Variants in ERC1 observed in about 807,000 individuals in gnomAD.
The protein encoded by ERC1 is ELKS/RAB6-interacting/CAST family member 1.
Under a neutral mutation model 132.0 loss-of-function variants are expected in ERC1, and 56 were observed. The ratio of observed to expected loss-of-function variants is 0.42; its 90% CI spans 0.34 to 0.53. ERC1 has a LOEUF of 0.53. ERC1 is among the 20% of genes least tolerant of loss of function. The pLI is 0.03. For synonymous variants in ERC1, 478 were observed against 476.1 expected, an observed-to-expected ratio of 1.00 and a Z score of -0.05; for missense variants, 1,202 against 1,349.9, an observed-to-expected ratio of 0.89 and a Z score of 1.72.
intron 8 of ERC1, among the ~76,000 whole-genome samples, chr12:1,145,215 C>T (rs1455450044): frequency 6.6e-6 from 1 of 152,068 alleles, no homozygotes; most frequent in South Asian, 2.1e-4. Context: ...CGGGGTTTCA[C>T]CATGTTGGCC....
At chr12:1,003,446 C>T (rs967119619) in intron 1 of ERC1, among the ~76,000 whole-genome samples, 1 of 152,138 alleles carries the variant, frequency 6.6e-6, no homozygotes, top group Non-Finnish European at 1.5e-5. Flanking sequence ...GCTAATCAAG[C>T]CTTATAATAA....
At chr12:1,301,029 G>GT (rs59250743) in intron 15 of ERC1, among the ~76,000 whole-genome samples, 54,922 of 151,848 alleles carry the variant, frequency 0.36, 10,263 homozygotes, top group Middle Eastern at 0.45. Context: ...ACGAAATAAT[G>GT]TTTTTTGCAG....
At chr12:1,253,384 G>C (rs1334671988) in intron 13 of ERC1, among the ~76,000 whole-genome samples, 1 of 152,120 alleles carries the variant, frequency 6.6e-6, no homozygotes, top group African/African-American at 2.4e-5. Flanking sequence ...TGATTGGAAA[G>C]AAAGGCAGCT....
intron 16 of ERC1, among the ~76,000 whole-genome samples, chr12:1,394,093 A>G (rs2090283158): frequency 1.3e-5 from 2 of 148,806 alleles, no homozygotes; most frequent in South Asian, 2.2e-4. Context: ...TAAGGAAGTG[A>G]TCATACTTTA....
At chr12:1,275,258 C>G (rs924887457) in intron 14 of ERC1, among the ~76,000 whole-genome samples, 3 of 152,080 alleles carry the variant, frequency 2.0e-5, no homozygotes, top group African/African-American at 7.2e-5. Context: ...GAGGCTGAGG[C>G]AGGTCGATCA....
intron 14 of ERC1, among the ~76,000 whole-genome samples, chr12:1,277,408 G>A (rs1212750489): frequency 6.6e-6 from 1 of 152,158 alleles, no homozygotes; most frequent in East Asian, 1.9e-4. Context: ...GGTTTTTCAA[G>A]ATTTGCCTCA....
chr12:1,418,633 TTCTTTCTTTCTCTC>T (rs1376439155), intron 17 of ERC1, among the ~76,000 whole-genome samples: 54 of 85,104 alleles, frequency 6.3e-4, no homozygotes, highest in Admixed American at 2.6e-3. Context: ...CTTTCTTTCT[TTCTTTCTTTCTCTC>T]TCTCTCTCTC....
intron 12 of ERC1, among the ~76,000 whole-genome samples, chr12:1,203,201 G>C (rs1957071246): frequency 6.6e-6 from 1 of 152,182 alleles, no homozygotes; most frequent in Non-Finnish European, 1.5e-5. Flanking sequence ...GGGACTACAG[G>C]CGTGTGCCAC....
At position 1,403,848 on chromosome 12, in the gene ERC1, T is replaced by C. The variant is rs527377319; in HGVS notation, c.2926-4301T>C. Among the ~76,000 whole-genome samples the C allele has an allele frequency of 2.0e-5, 3 of 152,352 alleles. No homozygotes were observed. In the East Asian group the frequency reaches 5.8e-4, roughly 29 times the overall value. The stretch of plus-strand genomic sequence containing the variant: ...AAGAAAATAACTAGCCAAGTCTACT[T>C]TCACCCACATTCCTGTTAAAGTCAA... On this transcript the variant is annotated intron_variant, in intron 16 of 18. Transcript: ENST00000360905.
chr12:1,426,641 C>T (rs1290653902), intron 17 of ERC1, among the ~76,000 whole-genome samples: 2 of 152,122 alleles, frequency 1.3e-5, no homozygotes, highest in Non-Finnish European at 2.9e-5. Flanking sequence ...CTATATTGTA[C>T]GTTTTGTGGA....
intron 7 of ERC1, among the ~76,000 whole-genome samples, chr12:1,140,039 G>A (rs1044882018): frequency 2.6e-5 from 4 of 152,118 alleles, no homozygotes; most frequent in South Asian, 2.1e-4. Context: ...GGTGAATAAT[G>A]ACAAATGGGA....
At chr12:997,126 C>T (rs1216958847) in intron 1 of ERC1, among the ~76,000 whole-genome samples, 1 of 152,172 alleles carries the variant, frequency 6.6e-6, no homozygotes, top group African/African-American at 2.4e-5. Context: ...CATTATGTTG[C>T]CCAGGCACTA....
rs532176580 is a variant in ERC1 at position 1,259,927 on chromosome 12, A to T, written c.2488-3107A>T. The stretch of plus-strand genomic sequence containing the variant: ...ATCCCTTACTAATTGCCCTTGGATA[A>T]TCCATACATCTGCTGTTTTTCTTGG... On this transcript the variant is annotated intron_variant, in intron 13 of 18. Transcript: ENST00000360905. Among the ~76,000 whole-genome samples, 91 of 152,266 alleles carry T rather than the reference A, an allele frequency of 6.0e-4. 1 individual carries two copies. The highest frequency in any genetic ancestry group is 2.1e-3 in the African/African-American group (87 of 41,556).
chr12:1,141,554 T>C (rs1403591534), intron 7 of ERC1, 66 bp from the exon 8 acceptor site: 19 of 1,324,304 alleles, frequency 1.4e-5, no homozygotes, highest in South Asian at 7.7e-5. Flanking sequence ...TTATAACATA[T>C]CTATTTGAAA....
At position 1,039,292 on chromosome 12, in the gene ERC1, G is replaced by A. The variant is rs139230346; in HGVS notation, c.669+10720G>A. Among the ~76,000 whole-genome samples the A allele has an allele frequency of 5.5e-3, 828 of 149,282 alleles. 2 individuals carry two copies. The highest frequency in any genetic ancestry group is 0.018 in the African/African-American group (733 of 40,398). The stretch of plus-strand genomic sequence containing the variant: ...GCGGAGTTTGCAGTCAGCCGAAATC[G>A]CACCACTGCACTCCAGCCCTGGGTG... On this transcript the variant is annotated intron_variant, in intron 2 of 18. Coordinates refer to ENST00000360905, the MANE Select transcript of ERC1 (RefSeq NM_178040.4).
At chr12:1,149,244 C>G (rs2154253451) in intron 8 of ERC1, among the ~76,000 whole-genome samples, 1 of 152,228 alleles carries the variant, frequency 6.6e-6, no homozygotes, top group Non-Finnish European at 1.5e-5. Context: ...ACTTTTTCCA[C>G]ATTTCCATCC....
At chr12:1,424,848 AGATAGATAGATAGATC>A (rs1368807944) in intron 17 of ERC1, among the ~76,000 whole-genome samples, 2,027 of 109,506 alleles carry the variant, frequency 0.019, 25 homozygotes, top group Middle Eastern at 0.044. Context: ...GATAGATGAT[AGATAGATAGATAGATC>A]GATAGATAGA....
chr12:1,388,989 T>C (rs1167920997), intron 16 of ERC1, among the ~76,000 whole-genome samples: 1 of 152,186 alleles, frequency 6.6e-6, no homozygotes, highest in Non-Finnish European at 1.5e-5. Flanking sequence ...TTTCCTCCTT[T>C]AGCTCTTTCA....
chr12:1,211,877 G>A (rs1800346979), intron 12 of ERC1, among the ~76,000 whole-genome samples: 1 of 152,034 alleles, frequency 6.6e-6, no homozygotes, highest in Admixed American at 6.6e-5. Flanking sequence ...GCCATAATCA[G>A]TTCTATACAA....
Sources: allele counts gnomAD v4.1 joint callset (sites outside exome capture counted in the v4.1 genomes callset), GRCh38; gene constraint gnomAD v4.1.1; transcripts MANE v1.5; gene names NCBI Gene and HGNC (gene_info 2026-07-23, HGNC 2026-07-21).